Variants in ADGRV1 observed in about 807,000 individuals in gnomAD.
ADGRV1 encodes G-protein coupled receptor 98.
ADGRV1 carries 359 observed loss-of-function variants against 596.2 expected under a neutral mutation model. The ratio of observed to expected loss-of-function variants is 0.60; its 90% CI spans 0.55 to 0.66. The LOEUF is 0.66. Ranked by LOEUF, ADGRV1 falls within the 30% of genes least tolerant of loss-of-function variation. The pLI is 0.00. For missense variants in ADGRV1, 7,274 were observed against 7,575.6 expected, an observed-to-expected ratio of 0.96 and a Z score of 1.48; for synonymous variants, 2,681 against 2,679.2, an observed-to-expected ratio of 1.00 and a Z score of -0.02.
chr5:91,153,046 C>T (rs1489785463), intron 88 of ADGRV1, among the ~76,000 whole-genome samples, 175 bp from the exon 89 acceptor site: 1 of 152,122 alleles, frequency 6.6e-6, no homozygotes, highest in Non-Finnish European at 1.5e-5. Context: ...GAGACTCCAT[C>T]TCTAGAAAAA....
At chr5:90,900,103 AT>A (rs1315745924) in intron 83 of ADGRV1, among the ~76,000 whole-genome samples, 1 of 152,148 alleles carries the variant, frequency 6.6e-6, no homozygotes, top group Non-Finnish European at 1.5e-5. Flanking sequence ...TTCATTTACA[AT>A]TTTGGTAAAG....
chr5:90,823,666 C>T (rs957207378), intron 76 of ADGRV1, 70 bp downstream of exon 76: 26 of 1,363,164 alleles, frequency 1.9e-5, no homozygotes, highest in African/African-American at 2.9e-5. Flanking sequence ...ATTTTAAAAC[C>T]ACTATTGAAA....
chr5:90,590,254 C>G (rs1442080097), intron 1 of ADGRV1, among the ~76,000 whole-genome samples: 1 of 152,172 alleles, frequency 6.6e-6, no homozygotes, highest in Admixed American at 6.5e-5. Flanking sequence ...TCTCACAGGT[C>G]TAGGGTTTGA....
Position 90,558,826 on chromosome 5 carries a change from A to G in ADGRV1, c.-70A>G. On this transcript the variant is annotated 5_prime_UTR_variant, in exon 1 of 90. Coordinates refer to ENST00000405460, the MANE Select transcript of ADGRV1 (RefSeq NM_032119.4). ...GTAAGAATCAGCAGCGCGGGCAAGG[A>G]GTACGGACGGGAGTCAGAGGCAGAG... The G allele has an allele frequency of 6.8e-7, 1 of 1,468,998 alleles. No individual in the cohort carries two copies. The allele number at this position is 1,468,998 out of a possible 1,614,324, so 91.0% of individuals were successfully genotyped here.
intron 87 of ADGRV1, among the ~76,000 whole-genome samples, chr5:91,146,891 G>A (rs745964594): frequency 6.6e-6 from 1 of 152,154 alleles, no homozygotes; most frequent in Non-Finnish European, 1.5e-5. Context: ...GCTGGGCATG[G>A]TGGCTTGCAC....
chr5:90,590,011 A>G (rs778198147), intron 1 of ADGRV1, among the ~76,000 whole-genome samples: 5 of 152,150 alleles, frequency 3.3e-5, no homozygotes, highest in South Asian at 2.1e-4. Flanking sequence ...TCCATTTTAG[A>G]TTAACATGCT....
intron 89 of ADGRV1, among the ~76,000 whole-genome samples, chr5:91,159,754 C>A (rs1796789833): frequency 6.6e-6 from 1 of 151,870 alleles, no homozygotes; most frequent in South Asian, 2.1e-4. Context: ...TGTCCCCAAC[C>A]AGGACTTTAG....
intron 89 of ADGRV1, among the ~76,000 whole-genome samples, chr5:91,157,655 A>C (rs577444758): frequency 6.1e-4 from 93 of 152,306 alleles, no homozygotes; most frequent in Non-Finnish European, 7.5e-4. Flanking sequence ...AAGGTGTTCA[A>C]CATTTCTTTT....
intron 76 of ADGRV1, among the ~76,000 whole-genome samples, chr5:90,825,034 T>C (rs1763955189): frequency 1.3e-5 from 2 of 152,110 alleles, no homozygotes; most frequent in South Asian, 4.1e-4. Context: ...CCTCCTGAGT[T>C]CAAGCGATTC....
Position 90,651,725 on chromosome 5 carries a change from AT to A in ADGRV1, c.3415del (p.Trp1139GlyfsTer3). 1.2e-6 allele frequency: 2 copies of A among 1,608,698 alleles called. No homozygotes were observed. Among genetic ancestry groups the A allele is most frequent in the Non-Finnish European group, 1.7e-6 (2 of 1,175,842 alleles). Reference sequence around the variant, plus strand: ...CAGTGGAAGAAGGAAAGACTAATGCATTTTGGTAAGCATATGTAGATAAGGC... The same window carrying A: ...CAGTGGAAGAAGGAAAGACTAATGCATTTGGTAAGCATATGTAGATAAGGC... ...KAVEEGKTNA[F>X]WILRHRGYFG... On this transcript the variant is annotated frameshift_variant, in exon 18 of 90. Transcript: ENST00000405460. LOFTEE classifies it high-confidence loss of function.
chr5:91,127,605 TTA>T (rs1793878028), intron 87 of ADGRV1, among the ~76,000 whole-genome samples: 1 of 152,022 alleles, frequency 6.6e-6, no homozygotes, highest in Non-Finnish European at 1.5e-5. Flanking sequence ...CTTAAAGACT[TTA>T]TGTCTTAGAG....
At position 90,753,646 on chromosome 5, in the gene ADGRV1, T is replaced by C. The variant is rs1442470935; in HGVS notation, c.11194T>C (p.Ser3732Pro). 37 of 1,613,490 alleles carry C rather than the reference T, an allele frequency of 2.3e-5. No individual in the cohort carries two copies. The highest frequency in any genetic ancestry group is 3.1e-5 in the Non-Finnish European group (36 of 1,179,516). The change falls in exon 54 of 90, where the codon TCA becomes CCA. Residue 3732 changes from serine to proline, a missense_variant. Ser to Pro is a moderately conservative substitution (Grantham distance 74). Transcript: ENST00000405460. ...TILADNIPEL[S>P]EVVIVTLTRI... ...TCTTGCTGATAATATACCAGAGTTA[T>C]CAGAGGTTGTGATTGTAACCCTCAC...
At chr5:91,159,601 C>A (rs1796774994) in intron 89 of ADGRV1, among the ~76,000 whole-genome samples, 1 of 152,168 alleles carries the variant, frequency 6.6e-6, no homozygotes, top group Non-Finnish European at 1.5e-5. Context: ...AAAAAGATGA[C>A]ATAATGTCCT....
At chr5:90,949,301 C>T (rs150159758) in intron 83 of ADGRV1, among the ~76,000 whole-genome samples, 3 of 152,138 alleles carry the variant, frequency 2.0e-5, no homozygotes, top group African/African-American at 4.8e-5. Flanking sequence ...TTATATGGGT[C>T]TGTGTGTAAA....
At chr5:90,625,352 G>A (rs2149369950) in intron 6 of ADGRV1, 109 bp downstream of exon 6, 1 of 621,534 alleles carries the variant, frequency 1.6e-6, no homozygotes, top group Non-Finnish European at 2.9e-6. Flanking sequence ...ATAAATAGCT[G>A]ACTGTTCTGG....
intron 70 of ADGRV1, among the ~76,000 whole-genome samples, chr5:90,794,987 C>T (rs1038282463): frequency 2.6e-5 from 4 of 151,882 alleles, no homozygotes; most frequent in African/African-American, 4.8e-5. Flanking sequence ...ACAACCTACA[C>T]AGACAGGAGA....
At chr5:90,819,167 T>G (rs981540406) in intron 75 of ADGRV1, among the ~76,000 whole-genome samples, 21 of 152,230 alleles carry the variant, frequency 1.4e-4, no homozygotes, top group Non-Finnish European at 5.9e-5. Flanking sequence ...TCAAGGAATT[T>G]ATCCATTTCT....
At chr5:91,128,772 T>A (rs1793971671) in intron 87 of ADGRV1, among the ~76,000 whole-genome samples, 2 of 152,198 alleles carry the variant, frequency 1.3e-5, no homozygotes, top group African/African-American at 2.4e-5. Context: ...CTATCCTGTG[T>A]TCCCAATACT....
chr5:90,939,433 T>A (rs1032190433), intron 83 of ADGRV1, among the ~76,000 whole-genome samples: 1 of 152,184 alleles, frequency 6.6e-6, no homozygotes, highest in Non-Finnish European at 1.5e-5. Flanking sequence ...GCCTAACAGA[T>A]GGAACACTAA....
Sources: allele counts gnomAD v4.1 joint callset (sites outside exome capture counted in the v4.1 genomes callset), GRCh38; gene constraint gnomAD v4.1.1; transcripts MANE v1.5; gene names NCBI Gene and HGNC (gene_info 2026-07-23, HGNC 2026-07-21).